Variants in ZFHX4 observed in about 807,000 individuals in gnomAD.
The protein encoded by ZFHX4 is zinc finger homeobox 4.
ZFHX4 carries 56 observed loss-of-function variants against 267.6 expected under a neutral mutation model. That is an observed-to-expected ratio of 0.21 (90% CI 0.17 to 0.26). The LOEUF (loss-of-function observed/expected upper bound fraction) is 0.26, where lower values mean the gene tolerates loss of function less well. Among genes scored for constraint, ZFHX4 ranks in the 10% least tolerant of loss-of-function variants. The pLI is 1.00. For synonymous variants in ZFHX4, 1,778 were observed against 1,665.6 expected, an observed-to-expected ratio of 1.07 and a Z score of -1.64; for missense variants, 4,332 against 4,420.0, an observed-to-expected ratio of 0.98 and a Z score of 0.56.
At chr8:76,698,181 A>T (rs1381506717) in intron 1 of ZFHX4, among the ~76,000 whole-genome samples, 2 of 152,174 alleles carry the variant, frequency 1.3e-5, no homozygotes, top group Non-Finnish European at 2.9e-5. Flanking sequence ...TAGAATGAAT[A>T]AGAAAATTAG....
intron 1 of ZFHX4, among the ~76,000 whole-genome samples, chr8:76,691,125 A>G (rs1807813768): frequency 6.6e-6 from 1 of 152,096 alleles, no homozygotes; most frequent in South Asian, 2.1e-4. Context: ...TGAATGAATG[A>G]ATATGAAGGT....
Position 76,709,232 on chromosome 8 carries a change from T to C in ZFHX4, c.3093+1184T>C, listed in dbSNP as rs556252152. ...AAGTTGAAATTCTAGATAAATGTAC[T>C]GTGCATAAAATCCTAACGACTCAGT... On this transcript the variant is annotated intron_variant, in intron 3 of 10. Coordinates refer to ENST00000651372, the MANE Select transcript of ZFHX4 (RefSeq NM_024721.5). 1.1e-4 allele frequency among the ~76,000 whole-genome samples: 17 copies of C among 152,340 alleles called. No homozygotes were observed. The South Asian group carries it at 2.9e-3, about 26-fold the overall frequency.
chr8:76,825,917 A>G (rs1014779390), intron 4 of ZFHX4, among the ~76,000 whole-genome samples: 4 of 152,212 alleles, frequency 2.6e-5, no homozygotes, highest in African/African-American at 9.6e-5. Flanking sequence ...GAACCAAATA[A>G]TATCACTGAG....
intron 10 of ZFHX4, among the ~76,000 whole-genome samples, chr8:76,856,744 C>G (rs1230053265): frequency 1.3e-5 from 2 of 151,580 alleles, no homozygotes; most frequent in Non-Finnish European, 2.9e-5. Context: ...TTTTGTTTGT[C>G]CCCCCCGCCG....
chr8:76,794,590 T>C (rs1810923361), intron 4 of ZFHX4, among the ~76,000 whole-genome samples: 1 of 152,172 alleles, frequency 6.6e-6, no homozygotes, highest in East Asian at 1.9e-4. Context: ...ATACTCTACA[T>C]GATAAAACCA....
At chr8:76,843,191 G>A (rs566918373) in intron 6 of ZFHX4, among the ~76,000 whole-genome samples, 3 of 152,188 alleles carry the variant, frequency 2.0e-5, no homozygotes, top group Admixed American at 6.5e-5. Context: ...ACATGTATTC[G>A]CCCGCCAAAC....
chr8:76,726,776 T>G (rs1209901219), intron 3 of ZFHX4, among the ~76,000 whole-genome samples: 1 of 152,174 alleles, frequency 6.6e-6, no homozygotes, highest in African/African-American at 2.4e-5. Context: ...ATTTTTCCAA[T>G]TATATCTGCT....
At position 76,817,749 on chromosome 8, in the gene ZFHX4, T is replaced by A. The variant is rs117254888; in HGVS notation, c.3326-15589T>A. Reference sequence around the variant, plus strand: ...GAAGAACTTGTCTCCCTCTTTAGCCTATTTCAATTGGATTTTAAACTCCTG... The same window carrying A: ...GAAGAACTTGTCTCCCTCTTTAGCCAATTTCAATTGGATTTTAAACTCCTG... On this transcript the variant is annotated intron_variant, in intron 4 of 10. Coordinates refer to ENST00000651372, the MANE Select transcript of ZFHX4 (RefSeq NM_024721.5). 1.7e-3 allele frequency among the ~76,000 whole-genome samples: 264 copies of A among 152,358 alleles called. 3 individuals are homozygous for A. Among genetic ancestry groups the A allele is most frequent in the Non-Finnish European group, 2.9e-3 (200 of 68,032 alleles).
rs13250763 is a variant in ZFHX4 at position 76,705,312 on chromosome 8, G to C, written c.1224G>C (p.Leu408=). 1.9e-6 allele frequency: 3 copies of C among 1,613,804 alleles called. No individual in the cohort carries two copies. In the African/African-American group the frequency reaches 4.0e-5, roughly 22 times the overall value. ...ITQMPKAEVN[L]GGLSSLVVNT... ...AAATGCCAAAGGCTGAAGTGAATCT[G>C]GGGGGGCTGTCTAGTTTAGTAGTGA... Residue 408 remains leucine (L), a synonymous_variant, in exon 2 of 11, where the codon CTG becomes CTC. Transcript: ENST00000651372.
intron 5 of ZFHX4, chr8:76,833,998 A>T: frequency 7.7e-6 from 2 of 260,702 alleles, no homozygotes; most frequent in Non-Finnish European, 1.5e-5. Context: ...AGTTTTTTTT[A>T]GATTGGTTTC....
At chr8:76,827,951 G>T (rs116455005) in intron 4 of ZFHX4, among the ~76,000 whole-genome samples, 150 of 152,334 alleles carry the variant, frequency 9.8e-4, no homozygotes, top group African/African-American at 3.4e-3. Flanking sequence ...TAATTTAAGA[G>T]AAAGCACTAC....
intron 1 of ZFHX4, among the ~76,000 whole-genome samples, chr8:76,700,858 A>G (rs1313201191): frequency 2.0e-5 from 3 of 152,202 alleles, no homozygotes; most frequent in African/African-American, 7.2e-5. Context: ...AGTAGGGAAC[A>G]GAAGTTGGTG....
chr8:76,702,027 T>C (rs1159672930), intron 1 of ZFHX4, among the ~76,000 whole-genome samples: 2 of 152,148 alleles, frequency 1.3e-5, no homozygotes. Context: ...TCAGTATGAA[T>C]ACGTTATTTG....
chr8:76,860,395 C>A (rs1586022345), intron 10 of ZFHX4, among the ~76,000 whole-genome samples: 1 of 151,936 alleles, frequency 6.6e-6, no homozygotes, highest in Admixed American at 6.6e-5. Flanking sequence ...CATTATGTAA[C>A]CCTAGATAAA....
rs1811300116 is a variant in ZFHX4, at chr8:76,808,526, AT to A, written c.3326-24811del. Among the ~76,000 whole-genome samples, 4 of 152,170 alleles carry A rather than the reference AT, an allele frequency of 2.6e-5. No individual in the cohort carries two copies. In the South Asian group the frequency reaches 8.3e-4, roughly 31 times the overall value. The stretch of plus-strand genomic sequence containing the variant: ...AATCCCAGCGCAAATGACTGAATCG[AT>A]AGGAAACCAGCCACTGCTGTTTAAG... On this transcript the variant is annotated intron_variant, in intron 4 of 10. Coordinates refer to ENST00000651372, the MANE Select transcript of ZFHX4 (RefSeq NM_024721.5).
At chr8:76,744,182 C>T (rs559167991) in intron 3 of ZFHX4, among the ~76,000 whole-genome samples, 138 of 151,992 alleles carry the variant, frequency 9.1e-4, no homozygotes, top group African/African-American at 3.2e-3. Flanking sequence ...CCTGTCTCTA[C>T]TAAAAATACA....
At chr8:76,850,604 G>A (rs534155953) in intron 9 of ZFHX4, among the ~76,000 whole-genome samples, 1 of 152,180 alleles carries the variant, frequency 6.6e-6, no homozygotes, top group East Asian at 1.9e-4. Flanking sequence ...TGAACACCAA[G>A]GGATGGCCCT....
chr8:76,685,286 A>G (rs1024954875), intron 1 of ZFHX4, among the ~76,000 whole-genome samples: 3 of 152,166 alleles, frequency 2.0e-5, no homozygotes, highest in Non-Finnish European at 4.4e-5. Context: ...GTGCAAATCA[A>G]TATTTCAGGG....
In ZFHX4 at chr8:76,852,831, G is replaced by T; in HGVS notation, c.5910G>T (p.Gly1970=). Residue 1970 remains glycine, a synonymous_variant, in exon 10 of 11, where the codon GGG becomes GGT. Transcript: ENST00000651372. ...AGAGTCACCAAGAACATGTACATGGGCAATTTTTTCCATATGCAGCGCTAG... is the reference window on the plus strand; with the variant it reads ...AGAGTCACCAAGAACATGTACATGGTCAATTTTTTCCATATGCAGCGCTAG... ...ILKSHQEHVH[G]QFFPYAALEK... is the part of the protein sequence containing the mutation. 1 of 1,613,812 alleles carries T rather than the reference G, an allele frequency of 6.2e-7. No individual in the cohort carries two copies. The highest frequency in any genetic ancestry group is 1.7e-5 in the Admixed American group (1 of 59,996).
Sources: gnomAD v4.1 joint callset for allele counts (sites outside exome capture counted in the v4.1 genomes callset) on GRCh38, gnomAD v4.1.1 for gene constraint, MANE v1.5 for transcripts, NCBI Gene and HGNC (gene_info 2026-07-23, HGNC 2026-07-21) for gene names.